Variants in OPCML observed in about 807,000 individuals in gnomAD.
OPCML encodes the protein opioid-binding protein/cell adhesion molecule.
In OPCML, 13 loss-of-function variants were observed where a neutral mutation model predicts 37.8. The ratio of observed to expected loss-of-function variants is 0.34; its 90% CI spans 0.22 to 0.55. The LOEUF (loss-of-function observed/expected upper bound fraction) is 0.55, where lower values mean the gene tolerates loss of function less well. Ranked by LOEUF, OPCML falls within the 20% of genes least tolerant of loss-of-function variation. OPCML has a pLI of 0.91. For missense variants in OPCML, 341 were observed against 435.6 expected, an observed-to-expected ratio of 0.78 and a Z score of 1.93; for synonymous variants, 176 against 168.8, an observed-to-expected ratio of 1.04 and a Z score of -0.33.
intron 4 of OPCML, among the ~76,000 whole-genome samples, chr11:132,484,349 A>G (rs1483562361): frequency 6.6e-6 from 1 of 152,248 alleles, no homozygotes; most frequent in Admixed American, 6.5e-5. Context: ...AGATAAATGC[A>G]AATCAAAACC....
At chr11:133,210,664 G>T (rs142608856) in intron 1 of OPCML, among the ~76,000 whole-genome samples, 4 of 152,222 alleles carry the variant, frequency 2.6e-5, no homozygotes, top group African/African-American at 7.2e-5. Flanking sequence ...GGAGCTAAAG[G>T]TTCCAACATA....
At chr11:133,293,443 T>G (rs1942537729) in intron 1 of OPCML, among the ~76,000 whole-genome samples, 1 of 152,224 alleles carries the variant, frequency 6.6e-6, no homozygotes, top group African/African-American at 2.4e-5. Context: ...GTATTCACCC[T>G]GAGTATATGC....
chr11:132,595,256 G>A (rs2096490701), intron 3 of OPCML, among the ~76,000 whole-genome samples: 1 of 151,878 alleles, frequency 6.6e-6, no homozygotes. Flanking sequence ...AGGGAGAGGA[G>A]GATTTTAAAA....
intron 3 of OPCML, among the ~76,000 whole-genome samples, chr11:132,627,138 G>A (rs1034595084): frequency 1.8e-4 from 28 of 152,012 alleles, no homozygotes; most frequent in Non-Finnish European, 3.7e-4. Context: ...AACTTAGGAA[G>A]AGGAGATATA....
At chr11:132,878,281 G>A (rs1943097250) in intron 2 of OPCML, among the ~76,000 whole-genome samples, 1 of 152,176 alleles carries the variant, frequency 6.6e-6, no homozygotes. Flanking sequence ...AGGGTGCTTA[G>A]CTATCTGGTT....
intron 1 of OPCML, among the ~76,000 whole-genome samples, chr11:133,486,892 T>C (rs1373078207): frequency 6.7e-6 from 1 of 148,658 alleles, no homozygotes; most frequent in Non-Finnish European, 1.5e-5. Context: ...CCTTTCCCTC[T>C]CTATCTGTCT....
At chr11:133,244,029 G>C (rs1940826387) in intron 1 of OPCML, among the ~76,000 whole-genome samples, 1 of 152,188 alleles carries the variant, frequency 6.6e-6, no homozygotes, top group South Asian at 2.1e-4. Flanking sequence ...TCAGGACAGA[G>C]GGGCTCCAGG....
At position 132,943,132 on chromosome 11, in the gene OPCML, C is replaced by G; in HGVS notation, c.62-122G>C. On this transcript the variant is annotated intron_variant, in intron 1 of 7. Coordinates refer to ENST00000524381, the MANE Select transcript of OPCML (RefSeq NM_001012393.5). This position sits in a 1 kb window ranked among gnomAD's most constrained non-coding sequence, Gnocchi z 4.3. The stretch of plus-strand genomic sequence containing the variant: ...ACTTCCCAGGACTCCGGCAGCCGCA[C>G]AGTCCTGGTCCCCCGCCCCGCGCAC... The G allele has an allele frequency of 1.2e-6, 2 of 1,609,708 alleles. No individual in the cohort carries two copies. Among genetic ancestry groups the G allele is most frequent in the Non-Finnish European group, 8.5e-7 (1 of 1,176,424 alleles).
chr11:132,502,826 G>C (rs1010128620), intron 4 of OPCML, among the ~76,000 whole-genome samples: 52 of 152,314 alleles, frequency 3.4e-4, no homozygotes, highest in Admixed American at 2.9e-3. Flanking sequence ...GCTCACTGGA[G>C]AGAGTGGGGC....
intron 2 of OPCML, among the ~76,000 whole-genome samples, chr11:132,684,181 C>T (rs1451018036): frequency 6.6e-6 from 1 of 152,162 alleles, no homozygotes; most frequent in Non-Finnish European, 1.5e-5. Flanking sequence ...ATTTATAATG[C>T]TTAATACCAA....
chr11:133,224,105 G>A (rs1459981527), intron 1 of OPCML, among the ~76,000 whole-genome samples: 2 of 152,116 alleles, frequency 1.3e-5, no homozygotes, highest in African/African-American at 4.8e-5. Flanking sequence ...ACAGGAGAAG[G>A]TCCAATGCTT....
intron 1 of OPCML, among the ~76,000 whole-genome samples, chr11:133,286,870 A>C (rs1942313964): frequency 6.6e-6 from 1 of 152,196 alleles, no homozygotes; most frequent in Non-Finnish European, 1.5e-5. Flanking sequence ...TCGAGCACCT[A>C]CCCTATCTGA....
chr11:133,081,982 C>T (rs552665417), intron 1 of OPCML, among the ~76,000 whole-genome samples: 2 of 152,262 alleles, frequency 1.3e-5, no homozygotes, highest in South Asian at 2.1e-4. Context: ...TCAGCAGCCC[C>T]GGGAAGTTCT....
intron 7 of OPCML, among the ~76,000 whole-genome samples, chr11:132,424,028 T>A (rs77665292): frequency 6.6e-6 from 1 of 152,110 alleles, no homozygotes; most frequent in African/African-American, 2.4e-5. Context: ...AATTTCAATA[T>A]ATAGGGTCAG....
chr11:133,459,790 C>T (rs1241593844), intron 1 of OPCML, among the ~76,000 whole-genome samples: 2 of 152,004 alleles, frequency 1.3e-5, no homozygotes, highest in Admixed American at 6.6e-5. Context: ...TTTAATACTT[C>T]ACTTTCAGTA....
At chr11:133,037,451 C>A (rs1273169290) in intron 1 of OPCML, among the ~76,000 whole-genome samples, 1 of 152,148 alleles carries the variant, frequency 6.6e-6, no homozygotes, top group African/African-American at 2.4e-5. Flanking sequence ...GGAGGTGGGT[C>A]AGAATGACCT....
intron 2 of OPCML, among the ~76,000 whole-genome samples, chr11:132,740,744 G>T (rs1298276177): frequency 6.6e-6 from 1 of 151,882 alleles, no homozygotes; most frequent in African/African-American, 2.4e-5. Context: ...TGAAGGGGAG[G>T]CATTATGAAA....
intron 1 of OPCML, among the ~76,000 whole-genome samples, chr11:133,497,494 C>T (rs1947810769): frequency 1.3e-5 from 2 of 152,108 alleles, no homozygotes; most frequent in South Asian, 2.1e-4. Flanking sequence ...TAACTAATCT[C>T]CTGACTTCTA....
chr11:132,687,552 A>T (rs1943220274), intron 2 of OPCML, among the ~76,000 whole-genome samples: 1 of 151,264 alleles, frequency 6.6e-6, no homozygotes, highest in Non-Finnish European at 1.5e-5. Context: ...ATTATTTTTT[A>T]AAATATCTTT....
Sources: gnomAD v4.1 joint callset for allele counts (sites outside exome capture counted in the v4.1 genomes callset) on GRCh38, gnomAD v4.1.1 for gene constraint, Gnocchi (gnomAD v3.1) non-coding constraint, MANE v1.5 for transcripts, NCBI Gene and HGNC (gene_info 2026-07-23, HGNC 2026-07-21) for gene names.